SGCZ: variants seen among roughly 807,000 people sequenced by gnomAD.
SGCZ encodes the protein sarcoglycan zeta.
Under a neutral mutation model 41.3 loss-of-function variants are expected in SGCZ, and 40 were observed. The ratio of observed to expected loss-of-function variants is 0.97; its 90% CI spans 0.75 to 1.26. SGCZ has a LOEUF of 1.26. Among genes scored for constraint, SGCZ ranks in the 50% most tolerant of loss-of-function variants. SGCZ has a pLI of 0.00. For synonymous variants in SGCZ, 206 were observed against 137.5 expected, an observed-to-expected ratio of 1.50 and a Z score of -3.49; for missense variants, 552 against 369.8, an observed-to-expected ratio of 1.49 and a Z score of -4.04.
At chr8:14,171,509 A>C (rs967371236) in intron 4 of SGCZ, among the ~76,000 whole-genome samples, 19 of 152,040 alleles carry the variant, frequency 1.2e-4, no homozygotes. Flanking sequence ...TACAAGTTCC[A>C]CATGAAATTT....
At chr8:14,755,890 A>C (rs1320697425) in intron 1 of SGCZ, among the ~76,000 whole-genome samples, 1 of 152,130 alleles carries the variant, frequency 6.6e-6, no homozygotes, top group Non-Finnish European at 1.5e-5. Flanking sequence ...ATAAAAAATA[A>C]AAAACTATAC....
Position 14,701,923 on chromosome 8 carries a change from C to T in SGCZ, c.40-146997G>A, listed in dbSNP as rs1021751408. Among the ~76,000 whole-genome samples the T allele has an allele frequency of 2.6e-5, 4 of 151,908 alleles. No individual in the cohort carries two copies. The South Asian group carries it at 6.2e-4, about 24-fold the overall frequency. ...GTATCCCATGTTTAAAACGAACAAA[C>T]TAATAAACCTCCCTTCATCCACATT... On this transcript the variant is annotated intron_variant, in intron 1 of 7. Coordinates refer to ENST00000382080, the MANE Select transcript of SGCZ (RefSeq NM_139167.4).
chr8:14,871,257 A>G (rs558572839), intron 1 of SGCZ, among the ~76,000 whole-genome samples: 1 of 152,198 alleles, frequency 6.6e-6, no homozygotes, highest in African/African-American at 2.4e-5. Context: ...GAGAATGTGG[A>G]GAAACAGGAA....
At chr8:15,108,200 A>C (rs1806905907) in intron 1 of SGCZ, among the ~76,000 whole-genome samples, 1 of 152,192 alleles carries the variant, frequency 6.6e-6, no homozygotes, top group African/African-American at 2.4e-5. Context: ...AACTTAATTT[A>C]AAATTTTAAT....
chr8:14,351,789 T>C (rs1175427472), intron 2 of SGCZ, among the ~76,000 whole-genome samples: 2 of 152,100 alleles, frequency 1.3e-5, no homozygotes, highest in Non-Finnish European at 1.5e-5. Flanking sequence ...GTCTTAACTA[T>C]TTGGCAAATG....
chr8:14,510,396 T>A (rs73664368), intron 2 of SGCZ, among the ~76,000 whole-genome samples: 2,965 of 152,192 alleles, frequency 0.019, 63 homozygotes, highest in African/African-American at 0.048. Flanking sequence ...GTATAAAGGT[T>A]TTCCAATTTC....
chr8:14,108,074 T>G, intron 6 of SGCZ, 89 bp downstream of exon 6: 1 of 907,318 alleles, frequency 1.1e-6, no homozygotes, highest in Non-Finnish European at 1.6e-6. Flanking sequence ...GGAGAAACAT[T>G]TGTCTAGTTG....
At chr8:14,777,621 C>T (rs918015445) in intron 1 of SGCZ, among the ~76,000 whole-genome samples, 2 of 152,108 alleles carry the variant, frequency 1.3e-5, no homozygotes, top group Non-Finnish European at 2.9e-5. Context: ...ATGCATAAGA[C>T]ATACGCATAT....
chr8:14,761,770 C>G (rs1554494738), intron 1 of SGCZ, among the ~76,000 whole-genome samples: 1 of 151,954 alleles, frequency 6.6e-6, no homozygotes, highest in Non-Finnish European at 1.5e-5. Context: ...AGTGATCCAC[C>G]CACTTCGGCC....
chr8:15,154,307 C>T (rs1439571637), intron 1 of SGCZ, among the ~76,000 whole-genome samples: 1 of 152,156 alleles, frequency 6.6e-6, no homozygotes, highest in Non-Finnish European at 1.5e-5. Context: ...CTGTGAGTCA[C>T]CTAAAGCAGC....
rs541848603 is a variant in SGCZ at position 14,307,902 on chromosome 8, C to A, written c.336+16201G>T. ...TTTTGCATTTCAAATTATTTGCATACCAAAGTTTAACTCTCCAATTCCTTA... is the reference window on the plus strand; with the variant it reads ...TTTTGCATTTCAAATTATTTGCATAACAAAGTTTAACTCTCCAATTCCTTA... On this transcript the variant is annotated intron_variant, in intron 3 of 7. Coordinates refer to ENST00000382080, the MANE Select transcript of SGCZ (RefSeq NM_139167.4). 5.3e-5 allele frequency among the ~76,000 whole-genome samples: 8 copies of A among 152,130 alleles called. 1 individual carries two copies. The South Asian group carries it at 1.7e-3, about 32-fold the overall frequency.
chr8:14,746,373 C>T (rs60874873), intron 1 of SGCZ, among the ~76,000 whole-genome samples: 54,951 of 145,600 alleles, frequency 0.38, 10,060 homozygotes, highest in East Asian at 0.49. Context: ...CCTGAATATG[C>T]TCAACTAATA....
At chr8:14,228,503 TAA>T (rs1251205206) in intron 4 of SGCZ, among the ~76,000 whole-genome samples, 1 of 152,128 alleles carries the variant, frequency 6.6e-6, no homozygotes, top group Non-Finnish European at 1.5e-5. Flanking sequence ...ATATTTTGAA[TAA>T]ACTTATATAA....
intron 1 of SGCZ, among the ~76,000 whole-genome samples, chr8:15,160,648 A>C (rs1404975631): frequency 1.3e-5 from 2 of 152,160 alleles, no homozygotes; most frequent in African/African-American, 4.8e-5. Flanking sequence ...TCACATTAAA[A>C]CTATACATTA....
chr8:15,015,956 GACTAAT>G (rs1009840778), intron 1 of SGCZ, among the ~76,000 whole-genome samples: 2 of 151,606 alleles, frequency 1.3e-5, no homozygotes, highest in Non-Finnish European at 2.9e-5. Flanking sequence ...GACATGTATG[GACTAAT>G]ACTATTTGTA....
intron 1 of SGCZ, among the ~76,000 whole-genome samples, chr8:14,899,918 G>A (rs919394903): frequency 6.6e-6 from 1 of 152,074 alleles, no homozygotes; most frequent in African/African-American, 2.4e-5. Flanking sequence ...GCTAAGAGAT[G>A]AAGTGAGTAG....
At chr8:15,216,149 T>C (rs576330499) in intron 1 of SGCZ, among the ~76,000 whole-genome samples, 2 of 152,256 alleles carry the variant, frequency 1.3e-5, no homozygotes, top group South Asian at 4.1e-4. Flanking sequence ...GGGGATATGG[T>C]TGAAAGCAAA....
intron 3 of SGCZ, among the ~76,000 whole-genome samples, chr8:14,304,556 G>A (rs141540343): frequency 8.5e-5 from 13 of 152,280 alleles, no homozygotes; most frequent in African/African-American, 2.9e-4. Context: ...TCATGCAACT[G>A]CAATCCAGCC....
chr8:14,771,349 G>C (rs552652540), intron 1 of SGCZ, among the ~76,000 whole-genome samples: 1 of 152,062 alleles, frequency 6.6e-6, no homozygotes, highest in Non-Finnish European at 1.5e-5. Flanking sequence ...AATCACATAG[G>C]ATATTTGAAA....
Sources: allele counts gnomAD v4.1 joint callset (sites outside exome capture counted in the v4.1 genomes callset), GRCh38; gene constraint gnomAD v4.1.1; transcripts MANE v1.5; gene names NCBI Gene and HGNC (gene_info 2026-07-23, HGNC 2026-07-21).